The following KCNIP4 variants were observed in gnomAD, a reference collection of about 807,000 sequenced individuals.
KCNIP4 encodes Kv channel-interacting protein 4.
Under a neutral mutation model 34.0 loss-of-function variants are expected in KCNIP4, and 12 were observed. The ratio of observed to expected loss-of-function variants is 0.35; its 90% CI spans 0.23 to 0.57. The LOEUF is 0.57. Among genes scored for constraint, KCNIP4 ranks in the 20% least tolerant of loss-of-function variants. The pLI, the probability that KCNIP4 is intolerant of heterozygous loss-of-function variation, is 0.83. For synonymous variants in KCNIP4, 124 were observed against 102.2 expected, an observed-to-expected ratio of 1.21 and a Z score of -1.29; for missense variants, 238 against 311.7, an observed-to-expected ratio of 0.76 and a Z score of 1.78.
intron 3 of KCNIP4, among the ~76,000 whole-genome samples, chr4:20,764,819 A>G (rs536290251): frequency 4.9e-4 from 74 of 152,288 alleles, no homozygotes; most frequent in African/African-American, 1.8e-3. Context: ...GGCATAAAGC[A>G]ATTTGCCTGT....
intron 1 of KCNIP4, among the ~76,000 whole-genome samples, chr4:21,486,551 T>C (rs2109848605): frequency 6.6e-6 from 1 of 152,312 alleles, no homozygotes. Flanking sequence ...TGCCTAATTC[T>C]AACCCTCCAT....
chr4:21,441,719 A>G (rs1727501687), intron 1 of KCNIP4, among the ~76,000 whole-genome samples: 1 of 152,164 alleles, frequency 6.6e-6, no homozygotes, highest in Non-Finnish European at 1.5e-5. Context: ...ATTCCTCTTC[A>G]TTTCAAATAA....
intron 1 of KCNIP4, among the ~76,000 whole-genome samples, chr4:21,119,171 C>T (rs571084770): frequency 9.2e-5 from 14 of 152,066 alleles, no homozygotes; most frequent in African/African-American, 2.7e-4. Flanking sequence ...TGAGAAAGGG[C>T]GGAGCTCAGG....
At chr4:21,894,060 G>T (rs1727249300) in intron 1 of KCNIP4, among the ~76,000 whole-genome samples, 2 of 151,980 alleles carry the variant, frequency 1.3e-5, no homozygotes, top group African/African-American at 4.8e-5. Context: ...GGCCAGGCAG[G>T]GTGGCTCAAG....
chr4:21,407,796 T>C (rs1045414657), intron 1 of KCNIP4, among the ~76,000 whole-genome samples: 9 of 152,200 alleles, frequency 5.9e-5, no homozygotes, highest in African/African-American at 1.4e-4. Flanking sequence ...TGCTTTTTGG[T>C]AGACAAGCCG....
chr4:21,114,459 TC>T (rs1749518079), intron 1 of KCNIP4, among the ~76,000 whole-genome samples: 1 of 152,152 alleles, frequency 6.6e-6, no homozygotes, highest in Non-Finnish European at 1.5e-5. Context: ...TTCACTTTTT[TC>T]TTAAAAGTGA....
intron 1 of KCNIP4, among the ~76,000 whole-genome samples, chr4:21,894,727 TA>T (rs111603588): frequency 0.038 from 5,754 of 152,322 alleles, 345 homozygotes; most frequent in African/African-American, 0.13. Flanking sequence ...TTGACATTGC[TA>T]AGGTATGAAC....
At chr4:21,576,900 C>T (rs1186656193) in intron 1 of KCNIP4, among the ~76,000 whole-genome samples, 1 of 151,912 alleles carries the variant, frequency 6.6e-6, no homozygotes, top group African/African-American at 2.4e-5. Flanking sequence ...TTTGTGATTG[C>T]TCCATTATCA....
intron 1 of KCNIP4, among the ~76,000 whole-genome samples, chr4:20,984,485 G>T (rs543298880): frequency 6.6e-6 from 1 of 152,174 alleles, no homozygotes; most frequent in Non-Finnish European, 1.5e-5. Flanking sequence ...GAAACAATCA[G>T]TTCTGGTGGC....
chr4:20,883,985 G>C (rs933796697), intron 1 of KCNIP4, among the ~76,000 whole-genome samples: 3 of 152,026 alleles, frequency 2.0e-5, no homozygotes, highest in African/African-American at 7.2e-5. Context: ...CTGCTTTCTG[G>C]GCCATCCACT....
At chr4:20,928,864 G>A (rs896496497) in intron 1 of KCNIP4, among the ~76,000 whole-genome samples, 1 of 151,808 alleles carries the variant, frequency 6.6e-6, no homozygotes, top group Non-Finnish European at 1.5e-5. Flanking sequence ...AAGCTTGAAT[G>A]GACCAATAAA....
At chr4:21,083,184 CTTTGGCTAATTGGTTTAT>C (rs1746149232) in intron 1 of KCNIP4, among the ~76,000 whole-genome samples, 1 of 151,734 alleles carries the variant, frequency 6.6e-6, no homozygotes, top group South Asian at 2.1e-4. Flanking sequence ...GAAGACTCTT[CTTTGGCTAATTGGTTTAT>C]TTTATCCCTA....
intron 1 of KCNIP4, among the ~76,000 whole-genome samples, chr4:21,577,384 C>G (rs930232697): frequency 1.3e-5 from 2 of 152,174 alleles, no homozygotes; most frequent in South Asian, 2.1e-4. Context: ...AATCCCAGCA[C>G]TTTTGGAGGC....
At chr4:21,931,230 G>A (rs1292089674) in intron 1 of KCNIP4, among the ~76,000 whole-genome samples, 1 of 60,206 alleles carries the variant, frequency 1.7e-5, no homozygotes, top group East Asian at 6.6e-4. Flanking sequence ...AATGATTGAA[G>A]CTCAGCTTTT....
intron 1 of KCNIP4, among the ~76,000 whole-genome samples, chr4:21,451,673 G>C (rs1023003946): frequency 1.1e-4 from 16 of 152,104 alleles, no homozygotes; most frequent in Non-Finnish European, 7.4e-5. Flanking sequence ...CTTCCTTAAT[G>C]AAGTTGCATT....
At chr4:21,413,512 G>A (rs1052076553) in intron 1 of KCNIP4, among the ~76,000 whole-genome samples, 3 of 152,118 alleles carry the variant, frequency 2.0e-5, no homozygotes, top group Admixed American at 6.5e-5. Context: ...CTACAGGCAG[G>A]TCAGTTTACT....
At chr4:21,053,790 T>G (rs1743147018) in intron 1 of KCNIP4, among the ~76,000 whole-genome samples, 1 of 152,128 alleles carries the variant, frequency 6.6e-6, no homozygotes, top group Admixed American at 6.5e-5. Flanking sequence ...AATATCTAGG[T>G]ATAAATCTAG....
intron 1 of KCNIP4, among the ~76,000 whole-genome samples, chr4:21,874,056 T>C (rs1384448275): frequency 6.6e-6 from 1 of 152,226 alleles, no homozygotes. Context: ...TGTATTACAT[T>C]CACTGTGACT....
chr4:21,395,410 T>C (rs889807579), intron 1 of KCNIP4, among the ~76,000 whole-genome samples: 3 of 152,202 alleles, frequency 2.0e-5, no homozygotes, highest in African/African-American at 7.2e-5. Flanking sequence ...CCATCTGTTC[T>C]TCCTATAGAA....
Sources: allele counts gnomAD v4.1 joint callset (sites outside exome capture counted in the v4.1 genomes callset), GRCh38; gene constraint gnomAD v4.1.1; transcripts MANE v1.5; gene names NCBI Gene and HGNC (gene_info 2026-07-23, HGNC 2026-07-21).